HEATR4: variants seen among roughly 807,000 people sequenced by gnomAD.
HEATR4 encodes the protein HEAT repeat-containing protein 4.
In HEATR4, 95 loss-of-function variants were observed where a neutral mutation model predicts 108.8. The ratio of observed to expected loss-of-function variants is 0.87; its 90% CI spans 0.74 to 1.04. The LOEUF (loss-of-function observed/expected upper bound fraction) is 1.04. Among genes scored for constraint, HEATR4 ranks in the 50% least tolerant of loss-of-function variants. The pLI is 0.00. For missense variants in HEATR4, 1,152 were observed against 1,253.8 expected (o/e 0.92, Z 1.23); for synonymous variants, 443 against 459.4 (o/e 0.96, Z 0.46).
At position 73,509,866 on chromosome 14, in the gene HEATR4, ATATTTATT is replaced by A. The variant is rs1566832354; in HGVS notation, c.1559-401_1559-394del. Among the ~76,000 whole-genome samples, 56 of 67,496 alleles carry A rather than the reference ATATTTATT, an allele frequency of 8.3e-4. 5 individuals carry two copies. Among genetic ancestry groups the A allele is most frequent in the Non-Finnish European group, 1.3e-3 (44 of 33,742 alleles). 44.3% of individuals were successfully genotyped at this position (67,496 alleles called of 152,430 possible). A position where few individuals can be genotyped will look rare whatever the true frequency, so the allele number is the denominator to read the frequency against. On this transcript the variant is annotated intron_variant, in intron 7 of 17. Transcript: ENST00000553558. ...TATATATATATATATATATATATAT[ATATTTATT>A]TATTTTATATATTTTTTGAGACGGA...
chr14:73,524,306 A>ATATAT (rs1195056520), intron 2 of HEATR4, among the ~76,000 whole-genome samples: 157 of 90,882 alleles, frequency 1.7e-3, no homozygotes, highest in South Asian at 2.3e-3. Context: ...AAAAAAAAAA[A>ATATAT]AAAAATATAT....
In HEATR4 at chr14:73,498,147, G is replaced by C. The variant is rs1044585452; in HGVS notation, c.2546+8C>G. The C allele has an allele frequency of 6.2e-7, 1 of 1,601,074 alleles. No homozygotes were observed. Among genetic ancestry groups the C allele is most frequent in the Non-Finnish European group, 8.5e-7 (1 of 1,170,230 alleles). On this transcript the variant is annotated splice_region_variant and intron_variant, in intron 14 of 17. Transcript: ENST00000553558. ...GGTCATGGTGGGAGCCAGAGGTTTA[G>C]TGCTTACTTTAGAACAGCATCGTGG... is the stretch of plus-strand genomic sequence containing the variant.
intron 1 of HEATR4, among the ~76,000 whole-genome samples, chr14:73,540,174 G>T (rs1889027214): frequency 6.9e-6 from 1 of 145,846 alleles, no homozygotes; most frequent in South Asian, 2.2e-4. Context: ...TCTGCTCTGG[G>T]CAACAATTTG....
intron 1 of HEATR4, among the ~76,000 whole-genome samples, chr14:73,533,513 T>C (rs570661610): frequency 1.8e-5 from 2 of 114,040 alleles, no homozygotes; most frequent in Admixed American, 1.0e-4. Context: ...ACCCCATCTC[T>C]ACTAAAAATA....
intron 1 of HEATR4, among the ~76,000 whole-genome samples, chr14:73,547,818 G>A (rs1250839998): frequency 1.7e-5 from 2 of 115,376 alleles, no homozygotes; most frequent in Non-Finnish European, 3.8e-5. Flanking sequence ...CCTGGGAGTC[G>A]GAGGTTGCAG....
intron 7 of HEATR4, among the ~76,000 whole-genome samples, chr14:73,510,473 T>C (rs1887184889): frequency 6.6e-6 from 1 of 152,006 alleles, no homozygotes; most frequent in African/African-American, 2.4e-5. Flanking sequence ...TTTTGCTCTG[T>C]TGCCCAGGCT....
the HEATR4 span, chr14:73,616,913 C>G: frequency 1.7e-6 from 1 of 579,580 alleles, no homozygotes; most frequent in South Asian, 2.3e-5. Flanking sequence ...TACCCCCAAT[C>G]TCCTTGGCTT....
the HEATR4 span, chr14:73,592,205 G>C: frequency 1.2e-6 from 2 of 1,612,336 alleles, no homozygotes; most frequent in Non-Finnish European, 1.7e-6. Context: ...GGCTGCTCTG[G>C]GCCCTGGAAC....
intron 1 of HEATR4, among the ~76,000 whole-genome samples, chr14:73,548,630 C>T (rs1232222335): frequency 4.3e-5 from 5 of 115,312 alleles, no homozygotes; most frequent in African/African-American, 1.4e-4. Flanking sequence ...AGGTTCAGCA[C>T]ATTCTGAGGG....
At position 73,492,283 on chromosome 14, in the gene HEATR4, G is replaced by T. The variant is rs369146034; in HGVS notation, c.2844+783C>A. 16 of 1,613,990 alleles carry T rather than the reference G, an allele frequency of 9.9e-6. No individual in the cohort carries two copies. The highest frequency in any genetic ancestry group is 1.4e-5 in the Non-Finnish European group (16 of 1,179,892). The stretch of plus-strand genomic sequence containing the variant: ...ACTCTCTGCACCTCACCTTGTCCAC[G>T]TACCAGCGCAATACCTGGGGTGACT... On this transcript the variant is annotated intron_variant, in intron 17 of 17. Coordinates refer to ENST00000553558, the MANE Select transcript of HEATR4 (RefSeq NM_001220484.1). The surrounding 1 kb of genome is among the most constrained non-coding windows in gnomAD (Gnocchi z 4.9).
the HEATR4 span, among the ~76,000 whole-genome samples, chr14:73,602,493 C>G: frequency 3.3e-5 from 5 of 152,168 alleles, no homozygotes; most frequent in Admixed American, 2.0e-4. Context: ...TTCCACCCCG[C>G]TTCTCACTAT....
chr14:73,495,524 A>G (rs1297611363), intron 15 of HEATR4, 137 bp from the exon 16 acceptor site: 1 of 682,772 alleles, frequency 1.5e-6, no homozygotes, highest in East Asian at 2.8e-5. Flanking sequence ...TCAAGGCTAC[A>G]GTGAGCTGTG....
At chr14:73,592,992 G>A in the HEATR4 span, among the ~76,000 whole-genome samples, 5 of 152,242 alleles carry the variant, frequency 3.3e-5, no homozygotes, top group Non-Finnish European at 7.3e-5. Flanking sequence ...GGTTCAGGTC[G>A]TCAGGTACAT....
At chr14:73,619,860 T>C in the HEATR4 span, 4 of 1,540,980 alleles carry the variant, frequency 2.6e-6, no homozygotes, top group South Asian at 2.5e-5. Context: ...ACAGACCAGA[T>C]ACCATTAATA....
At chr14:73,630,447 C>T in the HEATR4 span, among the ~76,000 whole-genome samples, 1 of 152,232 alleles carries the variant, frequency 6.6e-6, no homozygotes, top group African/African-American at 2.4e-5. Flanking sequence ...ATCTGCCTTT[C>T]TTTACCTACA....
At chr14:73,599,461 G>A in the HEATR4 span, among the ~76,000 whole-genome samples, 2 of 152,002 alleles carry the variant, frequency 1.3e-5, no homozygotes, top group Admixed American at 6.6e-5. Context: ...GAAGTGACAC[G>A]GGCTGCGGTA....
chr14:73,518,458 A>C (rs1887765593), intron 5 of HEATR4, among the ~76,000 whole-genome samples: 1 of 152,142 alleles, frequency 6.6e-6, no homozygotes, highest in Non-Finnish European at 1.5e-5. Flanking sequence ...TAGTTTCTGC[A>C]CACCACTGGG....
At chr14:73,493,546 A>G (rs1268361347) in intron 16 of HEATR4, among the ~76,000 whole-genome samples, 1 of 152,066 alleles carries the variant, frequency 6.6e-6, no homozygotes, top group East Asian at 1.9e-4. Context: ...CTCTTAAGGA[A>G]GAGACTCTCA....
At chr14:73,515,671 CAAAAAAAAAAAAAA>C (rs35601077) in intron 5 of HEATR4, among the ~76,000 whole-genome samples, 152 of 33,526 alleles carry the variant, frequency 4.5e-3, no homozygotes, top group African/African-American at 0.015. Context: ...GACTCCATCT[CAAAAAAAAAAAAAA>C]AAAAAAAAAA....
Sources: allele counts gnomAD v4.1 joint callset (sites outside exome capture counted in the v4.1 genomes callset), GRCh38; gene constraint gnomAD v4.1.1; non-coding constraint Gnocchi (gnomAD v3.1); transcripts MANE v1.5; gene names NCBI Gene and HGNC (gene_info 2026-07-23, HGNC 2026-07-21).